The following ATP11A variants were observed in gnomAD, a reference collection of about 807,000 sequenced individuals.
The protein encoded by ATP11A is ATPase phospholipid transporting 11A, also known as phospholipid-transporting ATPase IH.
ATP11A carries 81 observed loss-of-function variants against 154.4 expected under a neutral mutation model. That is an observed-to-expected ratio of 0.52 (90% CI 0.44 to 0.63). The LOEUF (loss-of-function observed/expected upper bound fraction) is 0.63. Among genes scored for constraint, ATP11A ranks in the 30% least tolerant of loss-of-function variants. The pLI is 0.00. For missense variants in ATP11A, 1,316 were observed against 1,474.3 expected (o/e 0.89, Z 1.76); for synonymous variants, 623 against 585.9 (o/e 1.06, Z -0.91).
chr13:112,871,788 A>G lies in ATP11A; in HGVS notation c.3045A>G (p.Thr1015=). Residue 1015 remains threonine, a synonymous_variant, in exon 26 of 30, where the codon ACA becomes ACG. Coordinates refer to ENST00000375645, the MANE Select transcript of ATP11A (RefSeq NM_015205.3). Reference sequence around the variant, plus strand: ...TGGTATTCACCGTGATGGTGTTCACAGTTACACTAAAGGTAAGTGGTCTCG... The same window carrying G: ...TGGTATTCACCGTGATGGTGTTCACGGTTACACTAAAGGTAAGTGGTCTCG... ...GTLVFTVMVF[T]VTLKLALDTH... The G allele has an allele frequency of 1.9e-6, 3 of 1,614,204 alleles. No homozygotes were observed. Among genetic ancestry groups the G allele is most frequent in the Non-Finnish European group, 2.5e-6 (3 of 1,180,012 alleles).
chr13:112,711,391 G>T (rs1887731726), intron 1 of ATP11A, among the ~76,000 whole-genome samples: 1 of 152,106 alleles, frequency 6.6e-6, no homozygotes, highest in South Asian at 2.1e-4. Flanking sequence ...CAGATCCCCT[G>T]AGCCCAGGAG....
Position 112,697,165 on chromosome 13 carries a change from T to C in ATP11A, c.39+6710T>C, listed in dbSNP as rs985432895. Among the ~76,000 whole-genome samples the C allele has an allele frequency of 6.6e-6, 1 of 152,156 alleles. No individual in the cohort carries two copies. Among genetic ancestry groups the C allele is most frequent in the Admixed American group, 6.5e-5 (1 of 15,284 alleles). On this transcript the variant is annotated intron_variant, in intron 1 of 29. Coordinates refer to ENST00000375645, the MANE Select transcript of ATP11A (RefSeq NM_015205.3). This position sits in a 1 kb window ranked among gnomAD's most constrained non-coding sequence, Gnocchi z 4.0. ...CTTCCGTGGGCTGCTTCCTGTGGCG[T>C]CCTGCGGGCTGGCCGCCCCTCGGTG...
At position 112,882,957 on chromosome 13, in the gene ATP11A, C is replaced by T. The variant is rs543865894; in HGVS notation, c.*1091C>T. ...CAACAGGCAGCACCGCACCTCTGCC[C>T]GCCTCCCGCACTGCAGCTCCGCCCG... On this transcript the variant is annotated 3_prime_UTR_variant, in exon 30 of 30. Coordinates refer to ENST00000375645, the MANE Select transcript of ATP11A (RefSeq NM_015205.3). The surrounding 1 kb of genome is among the most constrained non-coding windows in gnomAD (Gnocchi z 5.1). The T allele has an allele frequency of 3.0e-4, 118 of 399,084 alleles. No individual in the cohort carries two copies. The highest frequency in any genetic ancestry group is 4.5e-4 in the Non-Finnish European group (103 of 226,446). 24.7% of individuals were successfully genotyped at this position (399,084 alleles called of 1,614,324 possible). A position where few individuals can be genotyped will look rare whatever the true frequency, so the allele number is the denominator to read the frequency against.
intron 16 of ATP11A, among the ~76,000 whole-genome samples, chr13:112,839,110 AT>A (rs1229275660): frequency 6.6e-6 from 1 of 152,078 alleles, no homozygotes; most frequent in Non-Finnish European, 1.5e-5. Flanking sequence ...CCACGGTGGA[AT>A]TTTGAGGAAG....
At chr13:112,806,143 G>A in intron 3 of ATP11A, 70 bp from the exon 4 acceptor site, 2 of 1,234,802 alleles carry the variant, frequency 1.6e-6, no homozygotes, top group Non-Finnish European at 1.2e-6. Context: ...CTGGCTCAGG[G>A]CAAACTAACC....
At chr13:112,773,527 C>G (rs1034806742) in intron 1 of ATP11A, among the ~76,000 whole-genome samples, 4 of 152,188 alleles carry the variant, frequency 2.6e-5, no homozygotes, top group African/African-American at 9.7e-5. Context: ...TCTGAAAGAG[C>G]AAATGAAGGG....
intron 14 of ATP11A, 126 bp downstream of exon 14, chr13:112,833,149 C>A: frequency 1.6e-6 from 2 of 1,234,706 alleles, no homozygotes; most frequent in South Asian, 1.5e-5. Context: ...CTGAGCTGTG[C>A]TGCCTTTGCA....
In ATP11A at chr13:112,698,395, G is replaced by C. The variant is rs141880227; in HGVS notation, c.39+7940G>C. 6.6e-4 allele frequency among the ~76,000 whole-genome samples: 100 copies of C among 152,304 alleles called. 1 individual carries two copies. In the East Asian group the frequency reaches 0.018, roughly 28 times the overall value. Reference sequence around the variant, plus strand: ...AAGAAAACTGCTGAGTTGTTTTTGCGAGTTACCTAATGGTGCTTTAGCTGC... The same window carrying C: ...AAGAAAACTGCTGAGTTGTTTTTGCCAGTTACCTAATGGTGCTTTAGCTGC... On this transcript the variant is annotated intron_variant, in intron 1 of 29. Transcript: ENST00000375645.
At chr13:112,798,998 A>G (rs1358848113) in intron 2 of ATP11A, among the ~76,000 whole-genome samples, 1 of 152,258 alleles carries the variant, frequency 6.6e-6, no homozygotes, top group Non-Finnish European at 1.5e-5. Context: ...TCAAAGGGAC[A>G]CAAGATTAGC....
At chr13:112,736,154 A>T (rs530561114) in intron 1 of ATP11A, among the ~76,000 whole-genome samples, 13 of 152,352 alleles carry the variant, frequency 8.5e-5, no homozygotes, top group African/African-American at 3.1e-4. Context: ...ACAGAGGGTG[A>T]GAACTCGAGC....
chr13:112,766,222 A>G (rs539107341), intron 1 of ATP11A, among the ~76,000 whole-genome samples: 1 of 144,464 alleles, frequency 6.9e-6, no homozygotes, highest in Admixed American at 6.7e-5. Context: ...AGGTCGTCCA[A>G]CCTGCCTTAT....
intron 25 of ATP11A, among the ~76,000 whole-genome samples, chr13:112,871,014 C>T (rs748546351): frequency 4.6e-5 from 7 of 152,200 alleles, no homozygotes; most frequent in African/African-American, 7.2e-5. Flanking sequence ...CCACTGCTGG[C>T]GGATCTGTGG....
chr13:112,882,861 C>G lies in ATP11A; in HGVS notation c.*995C>G, dbSNP rs574850897. 2.5e-6 allele frequency: 1 copy of G among 398,880 alleles called. No homozygotes were observed. The highest frequency in any genetic ancestry group is 4.4e-5 in the Admixed American group (1 of 22,744). The allele number at this position is 398,880 out of a possible 1,614,324, so 24.7% of individuals were successfully genotyped here. A position where few individuals can be genotyped will look rare whatever the true frequency, so the allele number is the denominator to read the frequency against. On this transcript the variant is annotated 3_prime_UTR_variant, in exon 30 of 30. Coordinates refer to ENST00000375645, the MANE Select transcript of ATP11A (RefSeq NM_015205.3). The surrounding 1 kb of genome is among the most constrained non-coding windows in gnomAD (Gnocchi z 5.1). Reference sequence around the variant, plus strand: ...CTCTGTCCCCGTGGAGGGGTCAACACCAAGGTGGTGTTCGTGCACCAGAAC... The same window carrying G: ...CTCTGTCCCCGTGGAGGGGTCAACAGCAAGGTGGTGTTCGTGCACCAGAAC...
chr13:112,846,713 G>A lies in ATP11A; in HGVS notation c.1810-4324G>A, dbSNP rs535729081. 2.0e-5 allele frequency among the ~76,000 whole-genome samples: 3 copies of A among 152,356 alleles called. No homozygotes were observed. The East Asian group carries it at 5.8e-4, about 29-fold the overall frequency. ...GATGGTGGCCTGTGGCCGGATGCCT[G>A]CCTGTGGGCTTTGTTGGATGCTGGG... is the stretch of plus-strand genomic sequence containing the variant. On this transcript the variant is annotated intron_variant, in intron 17 of 29. Transcript: ENST00000375645.
chr13:112,857,973 C>A, intron 21 of ATP11A, 53 bp downstream of exon 21: 2 of 1,595,590 alleles, frequency 1.3e-6, no homozygotes, highest in Non-Finnish European at 1.7e-6. Flanking sequence ...CACCCCTTCG[C>A]TAGACAAAGG....
chr13:112,808,576 T>C (rs1250756515), intron 4 of ATP11A, among the ~76,000 whole-genome samples: 1 of 147,218 alleles, frequency 6.8e-6, no homozygotes, highest in African/African-American at 2.5e-5. Context: ...CTCCCCACAC[T>C]GTGGCTCCAG....
Position 112,830,413 on chromosome 13 carries a change from T to G in ATP11A, c.1222-962T>G, listed in dbSNP as rs145532395. Among the ~76,000 whole-genome samples, 1,194 of 152,138 alleles carry G rather than the reference T, an allele frequency of 7.8e-3. 20 individuals are homozygous for G. Among genetic ancestry groups the G allele is most frequent in the African/African-American group, 0.028 (1,152 of 41,504 alleles). On this transcript the variant is annotated intron_variant, in intron 12 of 29. Transcript: ENST00000375645. The stretch of plus-strand genomic sequence containing the variant: ...AACATGGCGAAACTCCCATCTCTAC[T>G]AAAAATACAAAAATTAGCCAGACGT...
rs1372162971 is a variant in ATP11A at position 112,838,990 on chromosome 13, G to A, written c.1705+2739G>A. On this transcript the variant is annotated intron_variant, in intron 16 of 29. Coordinates refer to ENST00000375645, the MANE Select transcript of ATP11A (RefSeq NM_015205.3). This position sits in a 1 kb window ranked among gnomAD's most constrained non-coding sequence, Gnocchi z 7.3. ...GTAGGGGGTTGCGGCTGTCAGAGCC[G>A]GATCTCACTGTTTTGGGGCTGAGCA... Among the ~76,000 whole-genome samples, 4 of 152,142 alleles carry A rather than the reference G, an allele frequency of 2.6e-5. No individual in the cohort carries two copies. The highest frequency in any genetic ancestry group is 5.9e-5 in the Non-Finnish European group (4 of 68,036).
intron 1 of ATP11A, among the ~76,000 whole-genome samples, chr13:112,727,916 C>T (rs1434553963): frequency 1.3e-5 from 2 of 152,220 alleles, no homozygotes; most frequent in African/African-American, 2.4e-5. Context: ...TCGAATTCTC[C>T]GTGTAACTCA....
Sources: allele counts gnomAD v4.1 joint callset (sites outside exome capture counted in the v4.1 genomes callset), GRCh38; gene constraint gnomAD v4.1.1; non-coding constraint Gnocchi (gnomAD v3.1); transcripts MANE v1.5; gene names NCBI Gene and HGNC (gene_info 2026-07-23, HGNC 2026-07-21).